CD1A: variants seen among roughly 807,000 people sequenced by gnomAD.
The protein encoded by CD1A is T-cell surface glycoprotein CD1a.
A neutral mutation model predicts 38.3 loss-of-function variants in CD1A; 50 were observed. The ratio of observed to expected loss-of-function variants is 1.30; its 90% CI spans 1.04 to 1.65. CD1A has a LOEUF of 1.65. Among genes scored for constraint, CD1A ranks in the 40% most tolerant of loss-of-function variants. The probability of loss-of-function intolerance (pLI) is 0.00; values close to 1 mark genes in which losing one functional copy is unlikely to be tolerated. For synonymous variants in CD1A, 160 were observed against 150.8 expected (o/e 1.06, Z -0.45); for missense variants, 459 against 406.1 (o/e 1.13, Z -1.12).
intron 2 of CD1A, 86 bp downstream of exon 2, chr1:158,255,436 A>T: frequency 7.3e-7 from 1 of 1,362,182 alleles, no homozygotes; most frequent in Non-Finnish European, 1.0e-6. Context: ...AAACAGCCTG[A>T]CTCTCTTCTG....
chr1:158,257,773 C>A lies in CD1A; in HGVS notation c.*83C>A. On this transcript the variant is annotated 3_prime_UTR_variant, in exon 6 of 6. Coordinates refer to ENST00000289429, the MANE Select transcript of CD1A (RefSeq NM_001763.3). Reference sequence around the variant, plus strand: ...CAAGGGCTCCAGACACACCTGAACACATCGTGATGATGACGTCCTCTCAAC... The same window carrying A: ...CAAGGGCTCCAGACACACCTGAACAAATCGTGATGATGACGTCCTCTCAAC... 8.4e-7 allele frequency: 1 copy of A among 1,185,656 alleles called. No individual in the cohort carries two copies. The highest frequency in any genetic ancestry group is 1.2e-6 in the Non-Finnish European group (1 of 804,164). 73.4% of individuals were successfully genotyped at this position (1,185,656 alleles called of 1,614,324 possible).
rs759543827 is a variant in CD1A, at chr1:158,255,239, AG to A, written c.218del (p.Gly73GlufsTer43). Reference sequence around the variant, plus strand: ...CATCGTTTTCCTGTGCCCCTGGTCCAGGGGAAACTTCAGCAATGAGGAGTGG... The same window carrying A: ...CATCGTTTTCCTGTGCCCCTGGTCCAGGGAAACTTCAGCAATGAGGAGTGG... ...STIVFLCPWSRGNFSNEEWKE... is the reference protein window; with the variant it reads ...STIVFLCPWSXGNFSNEEWKE... On this transcript the variant is annotated frameshift_variant, in exon 2 of 6. Coordinates refer to ENST00000289429, the MANE Select transcript of CD1A (RefSeq NM_001763.3). LOFTEE classifies it high-confidence loss of function. The A allele has an allele frequency of 5.6e-6, 9 of 1,614,164 alleles. No homozygotes were observed. Among genetic ancestry groups the A allele is most frequent in the Non-Finnish European group, 4.2e-6 (5 of 1,180,024 alleles).
chr1:158,250,180 G>A (rs144703978), upstream of CD1A, among the ~76,000 whole-genome samples: 1 of 152,350 alleles, frequency 6.6e-6, no homozygotes, highest in Non-Finnish European at 1.5e-5. Flanking sequence ...TCAGACGGCT[G>A]TATGGGCAGA....
intron 4 of CD1A, 81 bp downstream of exon 4, chr1:158,257,145 G>A: frequency 1.3e-6 from 2 of 1,486,248 alleles, no homozygotes; most frequent in Non-Finnish European, 1.8e-6. Flanking sequence ...GAAAATTTTA[G>A]GATTTTAGGG....
upstream of CD1A, chr1:158,254,031 GTTTTTTTTTTTTTTTTTTTTTTTTTT>G (rs760814976): frequency 2.6e-4 from 14 of 53,664 alleles, no homozygotes; most frequent in Admixed American, 3.2e-3. Context: ...TGTTCCTGTG[GTTTTTTTTTTTTTTTTTTTTTTTTTT>G]TTTTTTTTTT....
At chr1:158,256,678 A>G in intron 3 of CD1A, 108 bp from the exon 4 acceptor site, 1 of 1,115,202 alleles carries the variant, frequency 9.0e-7, no homozygotes, top group African/African-American at 1.7e-5. Context: ...CCTGTCTCAA[A>G]AAAAAAAAAA....
At chr1:158,253,286 T>C (rs1410169635), upstream of CD1A, among the ~76,000 whole-genome samples, 2 of 152,142 alleles carry the variant, frequency 1.3e-5, no homozygotes, top group Non-Finnish European at 2.9e-5. Flanking sequence ...GACTCATTTA[T>C]AACAAAACAA....
Position 158,255,181 on chromosome 1 carries a change from G to A in CD1A, c.156G>A (p.Leu52=), listed in dbSNP as rs1224450853. Residue 52 remains leucine (L), a synonymous_variant, in exon 2 of 6, where the codon TTG becomes TTA. Coordinates refer to ENST00000289429, the MANE Select transcript of CD1A (RefSeq NM_001763.3). ...TGGTCTCAGGTTGGCTGAGTGATTTGCAGACTCATACCTGGGACAGCAATT... is the reference window on the plus strand; with the variant it reads ...TGGTCTCAGGTTGGCTGAGTGATTTACAGACTCATACCTGGGACAGCAATT... The part of the protein sequence containing the change: ...QNLVSGWLSD[L]QTHTWDSNSS... 1.2e-6 allele frequency: 2 copies of A among 1,614,124 alleles called. No homozygotes were observed. The highest frequency in any genetic ancestry group is 2.2e-5 in the East Asian group (1 of 44,878).
the CD1A span, among the ~76,000 whole-genome samples, chr1:158,248,779 G>A: frequency 6.6e-6 from 1 of 151,696 alleles, no homozygotes; most frequent in Non-Finnish European, 1.5e-5. Context: ...CCCCCAGCCA[G>A]CTCCCAAGAA....
rs1161673372 is a variant in CD1A at position 158,256,278 on chromosome 1, G to A, written c.600G>A (p.Arg200=). 6.2e-7 allele frequency: 1 copy of A among 1,613,016 alleles called. No individual in the cohort carries two copies. The highest frequency in any genetic ancestry group is 8.5e-7 in the Non-Finnish European group (1 of 1,179,804). Reference sequence around the variant, plus strand: ...ATGCAGGAAAGGCACATCTCCAGCGGCAAGGTCAGTCCTGCACTCTCCCTC... The same window carrying A: ...ATGCAGGAAAGGCACATCTCCAGCGACAAGGTCAGTCCTGCACTCTCCCTC... ...LLDAGKAHLQ[R]QVKPEAWLSH... Residue 200 remains arginine (R), a synonymous_variant, in exon 3 of 6, where the codon CGG becomes CGA. Coordinates refer to ENST00000289429, the MANE Select transcript of CD1A (RefSeq NM_001763.3).
At chr1:158,248,863 G>A in the CD1A span, among the ~76,000 whole-genome samples, 2 of 152,152 alleles carry the variant, frequency 1.3e-5, no homozygotes, top group South Asian at 2.1e-4. Flanking sequence ...CTCAGGAGTG[G>A]AGTTGGCTGG....
chr1:158,257,836 G>A lies in CD1A; in HGVS notation c.*146G>A, dbSNP rs563038316. The A allele has an allele frequency of 1.9e-5, 13 of 700,678 alleles. No individual in the cohort carries two copies. The East Asian group carries it at 3.0e-4, about 16-fold the overall frequency. The allele number at this position is 700,678 out of a possible 1,614,324, so 43.4% of individuals were successfully genotyped here. A position where few individuals can be genotyped will look rare whatever the true frequency, so the allele number is the denominator to read the frequency against. On this transcript the variant is annotated 3_prime_UTR_variant, in exon 6 of 6. Transcript: ENST00000289429. ...AATTTTGTTATTTTTGCTTGTTTCTGATTAATGATTGTTTGTCAATATAAG... is the reference window on the plus strand; with the variant it reads ...AATTTTGTTATTTTTGCTTGTTTCTAATTAATGATTGTTTGTCAATATAAG...
upstream of CD1A, among the ~76,000 whole-genome samples, chr1:158,251,020 A>G (rs1047985198): frequency 6.6e-6 from 1 of 152,236 alleles, no homozygotes; most frequent in African/African-American, 2.4e-5. Context: ...CCAAATCTTA[A>G]CTATGAATAG....
At chr1:158,248,958 G>A in the CD1A span, among the ~76,000 whole-genome samples, 2 of 152,200 alleles carry the variant, frequency 1.3e-5, no homozygotes, top group Non-Finnish European at 2.9e-5. Context: ...CCCACAGAAA[G>A]CTGGGGTGGA....
intron 2 of CD1A, 41 bp downstream of exon 2, chr1:158,255,391 A>G (rs745601974): frequency 6.3e-7 from 1 of 1,594,802 alleles, no homozygotes; most frequent in Non-Finnish European, 8.6e-7. Context: ...GAGGTGGGAG[A>G]GAGGGGTTGT....
chr1:158,249,850 G>A (rs1030556002), upstream of CD1A, among the ~76,000 whole-genome samples: 1 of 152,204 alleles, frequency 6.6e-6, no homozygotes, highest in Non-Finnish European at 1.5e-5. Context: ...ACTGGCTGCT[G>A]GGTTCCCCTT....
chr1:158,256,330 C>T lies in CD1A; in HGVS notation c.604+48C>T, dbSNP rs377757975. The T allele has an allele frequency of 1.7e-5, 26 of 1,544,394 alleles. No homozygotes were observed. In the African/African-American group the frequency reaches 3.3e-4, roughly 19 times the overall value. ...AAGAAGTTTTGATTTGAAAATCATACCCTTCCACCACCTCCTTCCAATTTA... is the reference window on the plus strand; with the variant it reads ...AAGAAGTTTTGATTTGAAAATCATATCCTTCCACCACCTCCTTCCAATTTA... On this transcript the variant is annotated intron_variant, in intron 3 of 5. Transcript: ENST00000289429.
At chr1:158,254,076 A>ATTTTTTTTTTTTTTTTTTTTTTTT (rs1650160155), upstream of CD1A, 1 of 38,526 alleles carries the variant, frequency 2.6e-5, no homozygotes, top group Non-Finnish European at 5.9e-5. Flanking sequence ...TTTTTTTGTG[A>ATTTTTTTTTTTTTTTTTTTTTTTT]TGGTTACTGG....
Position 158,255,461 on chromosome 1 carries a change from C to A in CD1A, c.325+111C>A, listed in dbSNP as rs1156473619. The A allele has an allele frequency of 4.2e-6, 5 of 1,183,476 alleles. No homozygotes were observed. The East Asian group carries it at 7.4e-5, about 17-fold the overall frequency. The allele number at this position is 1,183,476 out of a possible 1,614,324, so 73.3% of individuals were successfully genotyped here. On this transcript the variant is annotated intron_variant, in intron 2 of 5. Coordinates refer to ENST00000289429, the MANE Select transcript of CD1A (RefSeq NM_001763.3). Reference sequence around the variant, plus strand: ...ACTCTCTTCTGTATCTTATTCTATTCTTTCCACCATAAAACTGCAATTGCA... The same window carrying A: ...ACTCTCTTCTGTATCTTATTCTATTATTTCCACCATAAAACTGCAATTGCA...
Sources: allele counts gnomAD v4.1 joint callset (sites outside exome capture counted in the v4.1 genomes callset), GRCh38; gene constraint gnomAD v4.1.1; transcripts MANE v1.5; gene names NCBI Gene and HGNC (gene_info 2026-07-23, HGNC 2026-07-21).